Variants in ARL15 observed in about 807,000 individuals in gnomAD.
ARL15 encodes the protein ADP-ribosylation factor-like protein 15.
A neutral mutation model predicts 25.2 loss-of-function variants in ARL15; 19 were observed. The ratio of observed to expected loss-of-function variants is 0.75; its 90% CI spans 0.53 to 1.10. The LOEUF (loss-of-function observed/expected upper bound fraction) is 1.10, where lower values mean the gene tolerates loss of function less well. Among genes scored for constraint, ARL15 ranks in the 50% least tolerant of loss-of-function variants. The pLI is 0.00. For missense variants in ARL15, 220 were observed against 246.0 expected (o/e 0.89, Z 0.71); for synonymous variants, 94 against 86.8 (o/e 1.08, Z -0.46).
intron 4 of ARL15, among the ~76,000 whole-genome samples, chr5:54,078,668 G>A (rs978066636): frequency 3.3e-5 from 5 of 151,582 alleles, no homozygotes; most frequent in South Asian, 4.2e-4. Flanking sequence ...GACTATTCTC[G>A]CTAAAGTAAC....
At chr5:54,185,451 T>C (rs1755210781) in intron 1 of ARL15, among the ~76,000 whole-genome samples, 1 of 152,192 alleles carries the variant, frequency 6.6e-6, no homozygotes, top group African/African-American at 2.4e-5. Flanking sequence ...TACAGTTGAT[T>C]TGCCATCCAT....
chr5:54,300,032 T>G (rs1758574948), intron 1 of ARL15, among the ~76,000 whole-genome samples: 1 of 152,180 alleles, frequency 6.6e-6, no homozygotes, highest in Admixed American at 6.5e-5. Flanking sequence ...AAACCTGCTA[T>G]TTCTTCAGGG....
chr5:53,965,672 T>G (rs1747533702), intron 4 of ARL15, among the ~76,000 whole-genome samples: 1 of 151,960 alleles, frequency 6.6e-6, no homozygotes, highest in Admixed American at 6.6e-5. Flanking sequence ...TTGCTCACTG[T>G]TGGTCTGTCT....
intron 4 of ARL15, among the ~76,000 whole-genome samples, chr5:54,099,937 T>C (rs1316787182): frequency 6.6e-6 from 1 of 152,138 alleles, no homozygotes; most frequent in Non-Finnish European, 1.5e-5. Context: ...TTACTGTTTG[T>C]CATCTCCAAA....
intron 4 of ARL15, among the ~76,000 whole-genome samples, chr5:54,084,157 G>T (rs274369): frequency 1.3e-5 from 2 of 151,944 alleles, no homozygotes; most frequent in African/African-American, 4.8e-5. Flanking sequence ...ACTGCAGGCC[G>T]TTGGAGTGCT....
chr5:54,021,576 T>G lies in ARL15; in HGVS notation c.462+91626A>C, dbSNP rs557937410. Among the ~76,000 whole-genome samples the G allele has an allele frequency of 2.0e-5, 3 of 152,152 alleles. No individual in the cohort carries two copies. The East Asian group carries it at 5.8e-4, about 29-fold the overall frequency. On this transcript the variant is annotated intron_variant, in intron 4 of 4. Coordinates refer to ENST00000504924, the MANE Select transcript of ARL15 (RefSeq NM_019087.3). ...TAACAGAACAACAGAAATTACTCAA[T>G]CTGAACAACAAAGAGAAAAAGTCTA...
intron 1 of ARL15, among the ~76,000 whole-genome samples, chr5:54,176,888 G>T (rs746562937): frequency 1.3e-5 from 2 of 152,224 alleles, no homozygotes; most frequent in South Asian, 4.1e-4. Context: ...TTAGACAAGG[G>T]CCTGGCCACC....
intron 2 of ARL15, among the ~76,000 whole-genome samples, chr5:54,158,942 G>A (rs1285912603): frequency 1.3e-5 from 2 of 152,158 alleles, no homozygotes; most frequent in Non-Finnish European, 2.9e-5. Flanking sequence ...ACACTACACT[G>A]TAGTGTCTCC....
At chr5:53,989,286 G>A (rs2111645666) in intron 4 of ARL15, among the ~76,000 whole-genome samples, 1 of 89,126 alleles carries the variant, frequency 1.1e-5, no homozygotes, top group East Asian at 7.7e-4. Context: ...CTAAATTAAG[G>A]GAACACTCAA....
At chr5:54,182,192 C>T (rs1239971399) in intron 1 of ARL15, among the ~76,000 whole-genome samples, 12 of 76,154 alleles carry the variant, frequency 1.6e-4, no homozygotes, top group African/African-American at 6.1e-4. Context: ...GTTGCCATTG[C>T]TTTTGGTGTT....
chr5:54,088,983 GAAC>G (rs990272878), intron 4 of ARL15, among the ~76,000 whole-genome samples: 1 of 152,130 alleles, frequency 6.6e-6, no homozygotes, highest in Non-Finnish European at 1.5e-5. Flanking sequence ...TCTCACTGAA[GAAC>G]AACAGTCATA....
intron 4 of ARL15, among the ~76,000 whole-genome samples, chr5:53,889,811 T>TTTC (rs1491413691): frequency 1.8e-4 from 9 of 51,424 alleles, no homozygotes; most frequent in Non-Finnish European, 4.5e-4. Context: ...GTTCTGACTG[T>TTTC]TTTTTTTTTT....
chr5:53,983,599 C>G (rs1369789706), intron 4 of ARL15, among the ~76,000 whole-genome samples: 3 of 152,278 alleles, frequency 2.0e-5, no homozygotes, highest in Middle Eastern at 6.8e-3. Flanking sequence ...TATTTTGGAC[C>G]ATAGCTACTG....
At chr5:53,980,051 A>C (rs947397844) in intron 4 of ARL15, among the ~76,000 whole-genome samples, 1 of 152,182 alleles carries the variant, frequency 6.6e-6, no homozygotes, top group Non-Finnish European at 1.5e-5. Context: ...TTTTGAACAT[A>C]CAGTTTATTT....
intron 3 of ARL15, among the ~76,000 whole-genome samples, chr5:54,128,408 G>A (rs1202928670): frequency 1.3e-5 from 2 of 152,118 alleles, no homozygotes; most frequent in South Asian, 4.1e-4. Flanking sequence ...AGCTAATATA[G>A]GAATCAACAT....
intron 3 of ARL15, among the ~76,000 whole-genome samples, chr5:54,126,232 A>C (rs374290148): frequency 1.8e-4 from 28 of 152,216 alleles, no homozygotes; most frequent in East Asian, 1.5e-3. Flanking sequence ...AAATGCTCTC[A>C]TCTAATTTTC....
At chr5:53,936,088 A>G (rs938598706) in intron 4 of ARL15, among the ~76,000 whole-genome samples, 7 of 152,066 alleles carry the variant, frequency 4.6e-5, no homozygotes, top group Non-Finnish European at 1.0e-4. Flanking sequence ...AAAAGGAAAA[A>G]AAAGAAAATG....
At chr5:53,909,117 T>C (rs535341920) in intron 4 of ARL15, among the ~76,000 whole-genome samples, 2 of 152,252 alleles carry the variant, frequency 1.3e-5, no homozygotes, top group East Asian at 3.9e-4. Context: ...AAATCAATTA[T>C]AATTAGGGGA....
At chr5:54,191,141 G>A (rs1755387647) in intron 1 of ARL15, among the ~76,000 whole-genome samples, 1 of 152,134 alleles carries the variant, frequency 6.6e-6, no homozygotes, top group Non-Finnish European at 1.5e-5. Flanking sequence ...AAGGAAGGAA[G>A]TTGTGACATA....
Sources: gnomAD v4.1 joint callset for allele counts (sites outside exome capture counted in the v4.1 genomes callset) on GRCh38, gnomAD v4.1.1 for gene constraint, MANE v1.5 for transcripts, NCBI Gene and HGNC (gene_info 2026-07-23, HGNC 2026-07-21) for gene names.